Variants in KPNA3 observed in about 807,000 individuals in gnomAD.
KPNA3 encodes the protein karyopherin subunit alpha 3.
KPNA3 carries 13 observed loss-of-function variants against 73.8 expected under a neutral mutation model. The observed-to-expected ratio is 0.18, with a 90% confidence interval of 0.11 to 0.28. The LOEUF (loss-of-function observed/expected upper bound fraction) is 0.28, where lower values mean the gene tolerates loss of function less well. KPNA3 is among the 10% of genes least tolerant of loss of function. The pLI is 1.00. For missense variants in KPNA3, 360 were observed against 618.1 expected, an observed-to-expected ratio of 0.58 and a Z score of 4.43; for synonymous variants, 186 against 206.9, an observed-to-expected ratio of 0.90 and a Z score of 0.87.
chr13:49,777,667 A>ATT (rs146787105), intron 1 of KPNA3, among the ~76,000 whole-genome samples: 3,992 of 141,330 alleles, frequency 0.028, 148 homozygotes, highest in African/African-American at 0.082. Context: ...CACCCAGATG[A>ATT]TTTTTTTTTT....
At chr13:49,759,950 A>G (rs555080146) in intron 1 of KPNA3, among the ~76,000 whole-genome samples, 21 of 152,330 alleles carry the variant, frequency 1.4e-4, no homozygotes, top group African/African-American at 4.8e-4. Flanking sequence ...TGATGTCAAC[A>G]TAACAGAAAG....
intron 1 of KPNA3, among the ~76,000 whole-genome samples, chr13:49,757,770 C>A (rs1291656596): frequency 6.6e-6 from 1 of 152,098 alleles, no homozygotes; most frequent in East Asian, 1.9e-4. Flanking sequence ...CTGGAAACAA[C>A]CCAGGTATCC....
At chr13:49,711,292 G>T (rs375073330) in intron 10 of KPNA3, among the ~76,000 whole-genome samples, 9 of 152,142 alleles carry the variant, frequency 5.9e-5, no homozygotes, top group African/African-American at 2.2e-4. Flanking sequence ...TCAGACAGAT[G>T]AATTTAAAAA....
chr13:49,735,606 T>C (rs1954514961), intron 2 of KPNA3, among the ~76,000 whole-genome samples: 1 of 152,176 alleles, frequency 6.6e-6, no homozygotes, highest in South Asian at 2.1e-4. Flanking sequence ...GGTATACTTT[T>C]CTTTTGTCAG....
At chr13:49,741,814 T>A (rs2137564550) in intron 2 of KPNA3, among the ~76,000 whole-genome samples, 1 of 152,374 alleles carries the variant, frequency 6.6e-6, no homozygotes. Context: ...TAACCCCTTA[T>A]CAGATGTATG....
intron 1 of KPNA3, among the ~76,000 whole-genome samples, chr13:49,790,322 C>G (rs1164047205): frequency 1.3e-5 from 2 of 152,106 alleles, no homozygotes; most frequent in Non-Finnish European, 2.9e-5. Flanking sequence ...AAAAAATTAG[C>G]CAGGTGTGGT....
intron 14 of KPNA3, 149 bp downstream of exon 14, chr13:49,705,948 TG>T: frequency 1.0e-6 from 1 of 968,422 alleles, no homozygotes; most frequent in Non-Finnish European, 1.5e-6. Context: ...CACTCTAGCC[TG>T]GGCAACATAG....
At chr13:49,748,768 G>A (rs187942857) in intron 1 of KPNA3, among the ~76,000 whole-genome samples, 4 of 152,136 alleles carry the variant, frequency 2.6e-5, no homozygotes, top group East Asian at 1.9e-4. Context: ...GATAAGGTTC[G>A]ACACTAGAAA....
chr13:49,732,777 C>T lies in KPNA3; in HGVS notation c.205-1G>A. On this transcript the variant is annotated splice_acceptor_variant, in intron 3 of 16. Transcript: ENST00000261667. LOFTEE classifies it high-confidence loss of function. ...ATATAGCTTCTAGGGTTACATTTTG[C>T]TTAAAAAGAAAAAAAAAATAGTTCA... The T allele has an allele frequency of 6.4e-7, 1 of 1,560,064 alleles. No individual in the cohort carries two copies. The highest frequency in any genetic ancestry group is 8.7e-7 in the Non-Finnish European group (1 of 1,144,212).
At chr13:49,746,838 G>A (rs1954621226) in intron 2 of KPNA3, 111 bp downstream of exon 2, 2 of 724,376 alleles carry the variant, frequency 2.8e-6, no homozygotes, top group East Asian at 5.3e-5. Context: ...AGTGATGTGT[G>A]GTTTTAGGGA....
At chr13:49,780,170 G>A (rs1954929519) in intron 1 of KPNA3, among the ~76,000 whole-genome samples, 1 of 152,072 alleles carries the variant, frequency 6.6e-6, no homozygotes, top group African/African-American at 2.4e-5. Context: ...AAGGGCCTGT[G>A]AGCAAAATCT....
At chr13:49,709,866 T>C (rs952040325) in intron 11 of KPNA3, among the ~76,000 whole-genome samples, 166 bp from the exon 12 acceptor site, 1 of 151,700 alleles carries the variant, frequency 6.6e-6, no homozygotes, top group Non-Finnish European at 1.5e-5. Context: ...TTTTAAATAG[T>C]CTCTTGTGAA....
intron 7 of KPNA3, 122 bp downstream of exon 7, chr13:49,725,294 A>G (rs2137547417): frequency 2.1e-6 from 1 of 474,702 alleles, no homozygotes; most frequent in Non-Finnish European, 3.7e-6. Context: ...TCGGTCATCA[A>G]AAGTAACTTA....
At chr13:49,733,688 C>G (rs1954493231) in intron 2 of KPNA3, among the ~76,000 whole-genome samples, 1 of 152,230 alleles carries the variant, frequency 6.6e-6, no homozygotes, top group African/African-American at 2.4e-5. Flanking sequence ...GTAGGCATGG[C>G]TGTGTGACTT....
At chr13:49,760,982 T>C (rs900046575) in intron 1 of KPNA3, among the ~76,000 whole-genome samples, 6 of 152,174 alleles carry the variant, frequency 3.9e-5, no homozygotes, top group Non-Finnish European at 4.4e-5. Context: ...TTGGCAAGTG[T>C]GATAATGGTA....
intron 7 of KPNA3, among the ~76,000 whole-genome samples, chr13:49,724,054 G>A (rs1194539195): frequency 6.6e-6 from 1 of 151,908 alleles, no homozygotes; most frequent in Non-Finnish European, 1.5e-5. Context: ...GTGTTTTTTG[G>A]GGGGTCTGAC....
chr13:49,706,968 C>A (rs1304649649), intron 12 of KPNA3, among the ~76,000 whole-genome samples: 3 of 152,118 alleles, frequency 2.0e-5, no homozygotes, highest in Non-Finnish European at 4.4e-5. Context: ...CCAGGATGGT[C>A]TCGATCTCCT....
At chr13:49,770,808 G>A (rs1337651299) in intron 1 of KPNA3, among the ~76,000 whole-genome samples, 11 of 115,038 alleles carry the variant, frequency 9.6e-5, no homozygotes, top group African/African-American at 3.4e-4. Flanking sequence ...CACCCTTGCT[G>A]AAAATCAATT....
chr13:49,737,790 T>G (rs1032631547), intron 2 of KPNA3, among the ~76,000 whole-genome samples: 1 of 152,140 alleles, frequency 6.6e-6, no homozygotes, highest in African/African-American at 2.4e-5. Context: ...TGCTGAGTTC[T>G]GAGAGTTCAT....
Sources: gnomAD v4.1 joint callset for allele counts (sites outside exome capture counted in the v4.1 genomes callset) on GRCh38, gnomAD v4.1.1 for gene constraint, MANE v1.5 for transcripts, NCBI Gene and HGNC (gene_info 2026-07-23, HGNC 2026-07-21) for gene names.